Variants in SGCD observed in about 807,000 individuals in gnomAD.
SGCD encodes delta-sarcoglycan.
A neutral mutation model predicts 36.6 loss-of-function variants in SGCD; 18 were observed. The ratio of observed to expected loss-of-function variants is 0.49; its 90% confidence interval spans 0.34 to 0.73. The LOEUF is 0.73. Ranked by LOEUF, SGCD falls within the 30% of genes least tolerant of loss-of-function variation. SGCD has a pLI of 0.01. For synonymous variants in SGCD, 133 were observed against 130.6 expected (o/e 1.02, Z -0.12); for missense variants, 387 against 346.7 (o/e 1.12, Z -0.92).
intron 3 of SGCD, chr5:156,393,782 G>T: frequency 2.2e-6 from 1 of 456,262 alleles, no homozygotes; most frequent in Middle Eastern, 3.3e-4. Context: ...GATTTAACTG[G>T]CTATTCAGAT....
the SGCD span, among the ~76,000 whole-genome samples, chr5:155,831,993 T>A: frequency 6.6e-6 from 1 of 152,224 alleles, no homozygotes; most frequent in Admixed American, 6.5e-5. Context: ...AAAGATGTGG[T>A]TAGCTGTTAT....
chr5:155,906,775 A>G (rs1756521647), intron 1 of SGCD, among the ~76,000 whole-genome samples: 1 of 152,148 alleles, frequency 6.6e-6, no homozygotes, highest in Non-Finnish European at 1.5e-5. Context: ...TAAAAGTGCA[A>G]GGTGAAGCAG....
At chr5:155,920,745 T>G (rs1407179716) in intron 1 of SGCD, among the ~76,000 whole-genome samples, 1 of 152,068 alleles carries the variant, frequency 6.6e-6, no homozygotes, top group Non-Finnish European at 1.5e-5. Context: ...TCTTGGATGG[T>G]GCAGTCATCA....
At chr5:155,799,812 C>CTTTTTTTTTTTTTTTT in the SGCD span, among the ~76,000 whole-genome samples, 3 of 58,762 alleles carry the variant, frequency 5.1e-5, 1 homozygote, top group Non-Finnish European at 3.0e-5. Context: ...TCCTATTCCC[C>CTTTTTTTTTTTTTTTT]TTTTTTTTTT....
chr5:156,279,434 A>G (rs1337835576), intron 3 of SGCD, among the ~76,000 whole-genome samples: 1 of 152,152 alleles, frequency 6.6e-6, no homozygotes, highest in African/African-American at 2.4e-5. Context: ...ATTTCTCCCA[A>G]ATTGGATCTT....
the SGCD span, among the ~76,000 whole-genome samples, chr5:155,731,604 T>A: frequency 3.3e-5 from 5 of 152,228 alleles, no homozygotes; most frequent in African/African-American, 9.6e-5. Context: ...AATGCACACA[T>A]GCATAAATGC....
chr5:155,876,381 C>T (rs577089969), intron 1 of SGCD, among the ~76,000 whole-genome samples: 1 of 152,004 alleles, frequency 6.6e-6, no homozygotes, highest in East Asian at 1.9e-4. Flanking sequence ...CAGTAAGACA[C>T]TTTTTAAAAA....
At chr5:156,246,864 G>A (rs550711776) in intron 3 of SGCD, among the ~76,000 whole-genome samples, 5 of 152,114 alleles carry the variant, frequency 3.3e-5, no homozygotes, top group East Asian at 1.9e-4. Flanking sequence ...TCACCAGCTC[G>A]CCTCTTAATA....
At position 156,067,863 on chromosome 5, in the gene SGCD, C is replaced by G. The variant is rs1328185033; in HGVS notation, c.-281-50015C>G. Among the ~76,000 whole-genome samples the G allele has an allele frequency of 3.7e-5, 5 of 134,704 alleles. 1 individual carries two copies. Among genetic ancestry groups the G allele is most frequent in the African/African-American group, 1.9e-4 (5 of 26,898 alleles). The allele number at this position is 134,704 out of a possible 152,430, so 88.4% of individuals were successfully genotyped here. ...TCTGGCACTCCCTAGAGAGATGAAC[C>G]CGGTACCTCAGATGGAAATGCAGAA... On this transcript the variant is annotated intron_variant, in intron 1 of 9. Coordinates refer to the SGCD transcript ENST00000517913.
chr5:156,045,812 C>T (rs1360079863), intron 1 of SGCD, among the ~76,000 whole-genome samples: 1 of 152,120 alleles, frequency 6.6e-6, no homozygotes, highest in African/African-American at 2.4e-5. Context: ...CTTATGACCT[C>T]ATTTAACTTG....
At position 156,047,539 on chromosome 5, in the gene SGCD, C is replaced by A. The variant is rs534327877; in HGVS notation, c.-281-70339C>A. On this transcript the variant is annotated intron_variant, in intron 1 of 9. Transcript: ENST00000517913. Reference sequence around the variant, plus strand: ...GCCCTTAAGAATGAGGCTAAATCTACTCTGCCTATGCCCTAGAAATGGAAC... The same window carrying A: ...GCCCTTAAGAATGAGGCTAAATCTAATCTGCCTATGCCCTAGAAATGGAAC... Among the ~76,000 whole-genome samples, 9 of 152,224 alleles carry A rather than the reference C, an allele frequency of 5.9e-5. No individual in the cohort carries two copies. The East Asian group carries it at 1.7e-3, about 29-fold the overall frequency.
intron 7 of SGCD, among the ~76,000 whole-genome samples, chr5:156,672,394 T>A (rs966845715): frequency 1.1e-4 from 17 of 151,906 alleles, no homozygotes; most frequent in African/African-American, 4.1e-4. Flanking sequence ...TCTCTAGGGG[T>A]CTTATGGTTT....
chr5:155,748,770 T>C, the SGCD span, among the ~76,000 whole-genome samples: 1 of 152,068 alleles, frequency 6.6e-6, no homozygotes, highest in Admixed American at 6.5e-5. Context: ...TGACCATCCA[T>C]TGAGAAAGAT....
intron 7 of SGCD, 71 bp downstream of exon 7, chr5:156,647,607 A>G: frequency 3.1e-6 from 3 of 969,904 alleles, no homozygotes; most frequent in Admixed American, 2.0e-5. Context: ...CCAGTGATTC[A>G]TTCTGAATAA....
chr5:156,544,039 TG>T (rs1398425081), intron 4 of SGCD, among the ~76,000 whole-genome samples: 1 of 152,204 alleles, frequency 6.6e-6, no homozygotes, highest in Non-Finnish European at 1.5e-5. Context: ...ATCTCTTCTC[TG>T]AAAAGCGAGA....
intron 1 of SGCD, among the ~76,000 whole-genome samples, chr5:156,039,429 G>A (rs962601540): frequency 2.1e-5 from 3 of 146,284 alleles, no homozygotes; most frequent in South Asian, 2.1e-4. Flanking sequence ...AAGGAAAGGA[G>A]CAAGCTCCTT....
chr5:156,307,599 T>C (rs35020965), intron 3 of SGCD, among the ~76,000 whole-genome samples: 13 of 145,938 alleles, frequency 8.9e-5, no homozygotes, highest in Non-Finnish European at 2.0e-4. Context: ...CCTGAATTTG[T>C]GTCTCGTTTT....
intron 7 of SGCD, among the ~76,000 whole-genome samples, chr5:156,653,493 C>CTTTGTTTTTTTTTTTTTTTT (rs1763545418): frequency 2.1e-5 from 1 of 48,108 alleles, no homozygotes; most frequent in Non-Finnish European, 4.0e-5. Flanking sequence ...CTAAAGCTTG[C>CTTTGTTTTTTTTTTTTTTTT]TTTTTTTTTT....
chr5:156,434,277 G>T (rs1478128983), intron 3 of SGCD, among the ~76,000 whole-genome samples: 1 of 152,202 alleles, frequency 6.6e-6, no homozygotes, highest in Non-Finnish European at 1.5e-5. Context: ...TCCATAAACT[G>T]ATTGGAGTAA....
Sources: gnomAD v4.1 joint callset for allele counts (sites outside exome capture counted in the v4.1 genomes callset) on GRCh38, gnomAD v4.1.1 for gene constraint, MANE v1.5 for transcripts, NCBI Gene and HGNC (gene_info 2026-07-23, HGNC 2026-07-21) for gene names.